Variants in MAPKAPK5 observed in about 807,000 individuals in gnomAD.
MAPKAPK5 encodes MAPK activated protein kinase 5, also known as MAP kinase-activated protein kinase 5.
Under a neutral mutation model 65.1 loss-of-function variants are expected in MAPKAPK5, and 30 were observed. The ratio of observed to expected loss-of-function variants is 0.46; its 90% CI spans 0.34 to 0.63. The LOEUF (loss-of-function observed/expected upper bound fraction) is 0.63. MAPKAPK5 is among the 20% of genes least tolerant of loss of function. The probability of loss-of-function intolerance (pLI) is 0.01; values close to 1 mark genes in which losing one functional copy is unlikely to be tolerated. For synonymous variants in MAPKAPK5, 179 were observed against 204.6 expected (o/e 0.87, Z 1.07); for missense variants, 433 against 581.4 (o/e 0.74, Z 2.63).
chr12:111,850,985 G>T (rs1324920600), intron 1 of MAPKAPK5, among the ~76,000 whole-genome samples: 2 of 149,332 alleles, frequency 1.3e-5, no homozygotes, highest in Non-Finnish European at 3.0e-5. Flanking sequence ...TGCAAGCTCT[G>T]CCTCCTGGGT....
At chr12:111,886,260 A>G (rs531849765) in intron 10 of MAPKAPK5, among the ~76,000 whole-genome samples, 7 of 152,332 alleles carry the variant, frequency 4.6e-5, no homozygotes, top group African/African-American at 1.7e-4. Context: ...ACTCAAAGGA[A>G]TAGCCTCCAT....
intron 1 of MAPKAPK5, 152 bp downstream of exon 1, chr12:111,842,921 CT>C: frequency 1.5e-6 from 1 of 669,766 alleles, no homozygotes. Flanking sequence ...CTTTACAGCC[CT>C]GGGGCCAAGG....
intron 1 of MAPKAPK5, among the ~76,000 whole-genome samples, chr12:111,855,440 A>G (rs1397959159): frequency 5.9e-5 from 9 of 152,100 alleles, no homozygotes; most frequent in African/African-American, 2.2e-4. Flanking sequence ...ACTTCATCTC[A>G]TTATTTTTGG....
At chr12:111,851,227 A>C (rs926399826) in intron 1 of MAPKAPK5, among the ~76,000 whole-genome samples, 9 of 151,634 alleles carry the variant, frequency 5.9e-5, no homozygotes, top group African/African-American at 1.7e-4. Context: ...TTTTTGACAC[A>C]ATGCCCCTGG....
intron 1 of MAPKAPK5, chr12:111,843,038 A>G: frequency 2.5e-6 from 1 of 398,960 alleles, no homozygotes; most frequent in Non-Finnish European, 4.4e-6. Context: ...GACACTATTA[A>G]GTGTCAATGA....
chr12:111,869,818 T>C (rs1191341002), intron 5 of MAPKAPK5, among the ~76,000 whole-genome samples: 2 of 152,216 alleles, frequency 1.3e-5, no homozygotes, highest in Non-Finnish European at 2.9e-5. Context: ...GTTTCCAGTA[T>C]GAATTGGAAA....
At chr12:111,847,826 T>C (rs1333144387) in intron 1 of MAPKAPK5, among the ~76,000 whole-genome samples, 1 of 152,224 alleles carries the variant, frequency 6.6e-6, no homozygotes, top group African/African-American at 2.4e-5. Flanking sequence ...TGATTTGCTT[T>C]GTCACTATAG....
At chr12:111,869,915 C>T (rs1363210807) in intron 5 of MAPKAPK5, among the ~76,000 whole-genome samples, 1 of 152,204 alleles carries the variant, frequency 6.6e-6, no homozygotes, top group Non-Finnish European at 1.5e-5. Context: ...CGCCTGCTGA[C>T]CATTGCTCAG....
chr12:111,893,067 G>A lies in MAPKAPK5; in HGVS notation c.*6G>A. On this transcript the variant is annotated 3_prime_UTR_variant, in exon 14 of 14. Coordinates refer to ENST00000550735, the MANE Select transcript of MAPKAPK5 (RefSeq NM_003668.4). ...CGTCCCACGAATCCCAATAATGACA[G>A]CTTCAGACTTTGTTTTTTTAACAAT... The A allele has an allele frequency of 1.9e-6, 3 of 1,542,166 alleles. No individual in the cohort carries two copies. The highest frequency in any genetic ancestry group is 2.6e-6 in the Non-Finnish European group (3 of 1,145,246).
chr12:111,889,989 C>T, intron 12 of MAPKAPK5, 51 bp from the exon 13 acceptor site: 3 of 1,164,548 alleles, frequency 2.6e-6, no homozygotes, highest in Admixed American at 2.0e-5. Flanking sequence ...CACACTAAAA[C>T]CCCATGATGC....
chr12:111,893,654 C>G lies in MAPKAPK5; in HGVS notation c.*593C>G, dbSNP rs946143268. The G allele has an allele frequency of 6.6e-6, 1 of 151,466 alleles. No individual in the cohort carries two copies. Among genetic ancestry groups the G allele is most frequent in the Non-Finnish European group, 1.5e-5 (1 of 67,996 alleles). 9.4% of individuals were successfully genotyped at this position (151,466 alleles called of 1,614,324 possible). ...CAGGAACATTTCCTTTTTGTCATATCTGTTAAAAGGGTACTGGTGTGTTTC... is the reference window on the plus strand; with the variant it reads ...CAGGAACATTTCCTTTTTGTCATATGTGTTAAAAGGGTACTGGTGTGTTTC... On this transcript the variant is annotated 3_prime_UTR_variant, in exon 14 of 14. Coordinates refer to ENST00000550735, the MANE Select transcript of MAPKAPK5 (RefSeq NM_003668.4).
chr12:111,854,787 T>A (rs1295692001), intron 1 of MAPKAPK5, among the ~76,000 whole-genome samples: 1 of 152,162 alleles, frequency 6.6e-6, no homozygotes, highest in African/African-American at 2.4e-5. Context: ...GGAATGCTGC[T>A]GAACATCCTA....
At chr12:111,867,543 A>G (rs2069653203) in intron 3 of MAPKAPK5, 29 bp from the exon 4 acceptor site, 1 of 1,553,140 alleles carries the variant, frequency 6.4e-7, no homozygotes, top group Non-Finnish European at 8.9e-7. Flanking sequence ...TCCCCTACCT[A>G]TTGATACATT....
intron 1 of MAPKAPK5, among the ~76,000 whole-genome samples, chr12:111,853,986 C>T (rs1250261605): frequency 6.6e-6 from 1 of 152,154 alleles, no homozygotes; most frequent in Non-Finnish European, 1.5e-5. Flanking sequence ...ATCTTGCATT[C>T]CTGGTATAAA....
chr12:111,868,517 T>C (rs1233282037), intron 4 of MAPKAPK5, among the ~76,000 whole-genome samples: 2 of 152,134 alleles, frequency 1.3e-5, no homozygotes, highest in Non-Finnish European at 2.9e-5. Flanking sequence ...GTGAAAGCAT[T>C]TGGATGGAAG....
intron 1 of MAPKAPK5, among the ~76,000 whole-genome samples, chr12:111,853,349 G>A (rs906937171): frequency 6.6e-6 from 1 of 151,836 alleles, no homozygotes; most frequent in African/African-American, 2.4e-5. Flanking sequence ...TCCAGCCTGG[G>A]TGACAGAGCG....
chr12:111,892,188 C>T (rs556143220), intron 13 of MAPKAPK5, among the ~76,000 whole-genome samples: 3 of 152,328 alleles, frequency 2.0e-5, no homozygotes, highest in Admixed American at 1.3e-4. Context: ...CTATATTTCT[C>T]CATTCTACTG....
intron 1 of MAPKAPK5, among the ~76,000 whole-genome samples, chr12:111,845,629 A>G (rs1566216951): frequency 6.6e-6 from 1 of 152,292 alleles, no homozygotes; most frequent in Non-Finnish European, 1.5e-5. Context: ...ATGTGCTTAT[A>G]ATAATACCTA....
At chr12:111,851,571 C>T (rs1328750719) in intron 1 of MAPKAPK5, among the ~76,000 whole-genome samples, 2 of 152,184 alleles carry the variant, frequency 1.3e-5, no homozygotes, top group Non-Finnish European at 2.9e-5. Flanking sequence ...AGTGATCTGC[C>T]TGCCTCAGCC....
Sources: allele counts gnomAD v4.1 joint callset (sites outside exome capture counted in the v4.1 genomes callset), GRCh38; gene constraint gnomAD v4.1.1; transcripts MANE v1.5; gene names NCBI Gene and HGNC (gene_info 2026-07-23, HGNC 2026-07-21).